SLAMF6: variants seen among roughly 807,000 people sequenced by gnomAD.
SLAMF6 encodes NK-T-B-antigen.
A neutral mutation model predicts 38.3 loss-of-function variants in SLAMF6; 21 were observed. That is an observed-to-expected ratio of 0.55 (90% CI 0.39 to 0.79). The LOEUF is 0.79. Ranked by LOEUF, SLAMF6 falls within the 30% of genes least tolerant of loss-of-function variation. SLAMF6 has a pLI of 0.00. For missense variants in SLAMF6, 341 were observed against 385.3 expected (o/e 0.89, Z 0.96); for synonymous variants, 152 against 146.3 (o/e 1.04, Z -0.28).
intron 7 of SLAMF6, 86 bp from the exon 8 acceptor site, chr1:160,486,840 A>G: frequency 2.1e-6 from 3 of 1,463,378 alleles, no homozygotes; most frequent in Non-Finnish European, 2.9e-6. Flanking sequence ...AGGACTGGAG[A>G]CTACAGAGAG....
chr1:160,503,635 C>T (rs1464134892), intron 1 of SLAMF6, among the ~76,000 whole-genome samples: 4 of 152,012 alleles, frequency 2.6e-5, no homozygotes, highest in Non-Finnish European at 5.9e-5. Context: ...GGGTCAGTGA[C>T]ATTAGTCAAA....
intron 1 of SLAMF6, among the ~76,000 whole-genome samples, chr1:160,522,179 C>G (rs758905061): frequency 3.9e-5 from 6 of 152,288 alleles, no homozygotes; most frequent in Non-Finnish European, 8.8e-5. Context: ...ATAACTATTA[C>G]AAGAGCTTGT....
chr1:160,496,496 T>C, intron 1 of SLAMF6, 103 bp from the exon 2 acceptor site: 2 of 1,104,758 alleles, frequency 1.8e-6, no homozygotes, highest in Non-Finnish European at 2.6e-6. Context: ...AGCTCTCTGA[T>C]ACCAAAACTC....
At chr1:160,504,036 C>A (rs201784922) in intron 1 of SLAMF6, among the ~76,000 whole-genome samples, 778 of 10,936 alleles carry the variant, frequency 0.071, 11 homozygotes, top group East Asian at 0.3. Flanking sequence ...AAAAAAAAAG[C>A]AAAAGAAAAA....
At chr1:160,492,432 A>G (rs1251791291) in intron 2 of SLAMF6, among the ~76,000 whole-genome samples, 1 of 152,156 alleles carries the variant, frequency 6.6e-6, no homozygotes, top group Non-Finnish European at 1.5e-5. Flanking sequence ...AATTATTGCT[A>G]TATCCAAGCC....
chr1:160,521,743 C>T (rs1426958659), intron 1 of SLAMF6, among the ~76,000 whole-genome samples: 1 of 152,100 alleles, frequency 6.6e-6, no homozygotes, highest in Non-Finnish European at 1.5e-5. Context: ...ATCCTAAAAT[C>T]AGTAGGTCCA....
At position 160,486,769 on chromosome 1, in the gene SLAMF6, G is replaced by A; in HGVS notation, c.952-15C>T. Reference sequence around the variant, plus strand: ...GTGGGTTTACTCTGTGGGAAAAAGAGGAAGATGAGGTAGGTTAATTGGAAC... The same window carrying A: ...GTGGGTTTACTCTGTGGGAAAAAGAAGAAGATGAGGTAGGTTAATTGGAAC... On this transcript the variant is annotated splice_polypyrimidine_tract_variant and intron_variant, in intron 7 of 7. Transcript: ENST00000368057. 1 of 1,613,792 alleles carries A rather than the reference G, an allele frequency of 6.2e-7. No individual in the cohort carries two copies. Among genetic ancestry groups the A allele is most frequent in the Non-Finnish European group, 8.5e-7 (1 of 1,179,844 alleles).
chr1:160,498,293 C>T (rs1653702740), intron 1 of SLAMF6, among the ~76,000 whole-genome samples: 1 of 152,110 alleles, frequency 6.6e-6, no homozygotes, highest in Non-Finnish European at 1.5e-5. Flanking sequence ...AGCTGTCATT[C>T]TGACAGAATG....
At chr1:160,491,670 T>C (rs11265414) in intron 2 of SLAMF6, among the ~76,000 whole-genome samples, 7,710 of 152,150 alleles carry the variant, frequency 0.051, 248 homozygotes, top group African/African-American at 0.087. Context: ...TTGGGGTGGT[T>C]ATTTTATATT....
intron 2 of SLAMF6, among the ~76,000 whole-genome samples, chr1:160,494,057 C>A (rs1653441005): frequency 6.6e-6 from 1 of 152,160 alleles, no homozygotes; most frequent in South Asian, 2.1e-4. Context: ...CAGTCACTCC[C>A]AATTAATTGG....
chr1:160,512,673 G>A (rs552615873), intron 1 of SLAMF6, among the ~76,000 whole-genome samples: 78 of 152,264 alleles, frequency 5.1e-4, no homozygotes, highest in African/African-American at 1.7e-3. Flanking sequence ...CCATCTTTGC[G>A]GTTCTGCAGC....
At chr1:160,510,081 A>G (rs549170481) in intron 1 of SLAMF6, among the ~76,000 whole-genome samples, 138 of 152,256 alleles carry the variant, frequency 9.1e-4, no homozygotes, top group African/African-American at 3.2e-3. Flanking sequence ...GAGGACCTAT[A>G]ACAAGAAAAG....
chr1:160,512,974 C>T (rs749967185), intron 1 of SLAMF6, among the ~76,000 whole-genome samples: 10 of 152,160 alleles, frequency 6.6e-5, no homozygotes, highest in Non-Finnish European at 1.5e-4. Flanking sequence ...ATGATTGTAA[C>T]ACCTCTCCAG....
At chr1:160,512,127 G>A (rs1654501574) in intron 1 of SLAMF6, among the ~76,000 whole-genome samples, 1 of 152,174 alleles carries the variant, frequency 6.6e-6, no homozygotes, top group South Asian at 2.1e-4. Flanking sequence ...TGGGGGAAGG[G>A]GCAGCAGCCA....
intron 1 of SLAMF6, among the ~76,000 whole-genome samples, chr1:160,514,292 T>G (rs1258519378): frequency 6.6e-6 from 1 of 152,208 alleles, no homozygotes; most frequent in African/African-American, 2.4e-5. Flanking sequence ...AAGGGTTCAA[T>G]TCAACAAGAA....
Position 160,491,499 on chromosome 1 carries a change from A to G in SLAMF6, c.383-111T>C, listed in dbSNP as rs1015074964. 5.9e-5 allele frequency: 86 copies of G among 1,468,152 alleles called. No homozygotes were observed. In the Middle Eastern group the frequency reaches 6.0e-4, roughly 10 times the overall value. 90.9% of individuals were successfully genotyped at this position (1,468,152 alleles called of 1,614,324 possible). On this transcript the variant is annotated intron_variant, in intron 2 of 7. Transcript: ENST00000368057. ...TTGTATTTCACCTTTGCTGTGTGTT[A>G]TGGTCTGTAGACTCTGTAAATGACT...
intron 2 of SLAMF6, among the ~76,000 whole-genome samples, chr1:160,494,757 C>T (rs1038680978): frequency 5.3e-5 from 8 of 152,034 alleles, no homozygotes; most frequent in African/African-American, 1.9e-4. Flanking sequence ...CAACCAGAAG[C>T]TGGGAGAGGC....
chr1:160,499,773 A>G lies in SLAMF6; in HGVS notation c.50-3380T>C, dbSNP rs540896953. 8.1e-4 allele frequency among the ~76,000 whole-genome samples: 124 copies of G among 152,304 alleles called. No homozygotes were observed. In the South Asian group the frequency reaches 0.017, roughly 21 times the overall value. ...GGAAGGAAATGTCTCTTGGAGTCCT[A>G]GTGCTCAGCTCCTGGGTGAGCTTGC... On this transcript the variant is annotated intron_variant, in intron 1 of 7. Coordinates refer to ENST00000368057, the MANE Select transcript of SLAMF6 (RefSeq NM_001184714.2).
rs1160546486 is a variant in SLAMF6 at position 160,485,963 on chromosome 1, G to T, written c.*744C>A. 1 of 152,512 alleles carries T rather than the reference G, an allele frequency of 6.6e-6. No individual in the cohort carries two copies. The highest frequency in any genetic ancestry group is 2.4e-5 in the African/African-American group (1 of 41,394). 9.4% of individuals were successfully genotyped at this position (152,512 alleles called of 1,614,324 possible). A position where few individuals can be genotyped will look rare whatever the true frequency, so the allele number is the denominator to read the frequency against. On this transcript the variant is annotated 3_prime_UTR_variant, in exon 8 of 8. Coordinates refer to ENST00000368057, the MANE Select transcript of SLAMF6 (RefSeq NM_001184714.2). ...ACCATCCTCTTCCTTTTTCAGTCTG[G>T]GAGACTAAGGCTCCAAAAGGTTAGG...
Sources: gnomAD v4.1 joint callset for allele counts (sites outside exome capture counted in the v4.1 genomes callset) on GRCh38, gnomAD v4.1.1 for gene constraint, MANE v1.5 for transcripts, NCBI Gene and HGNC (gene_info 2026-07-23, HGNC 2026-07-21) for gene names.